The following KCNMB1 variants were observed in gnomAD, a reference collection of about 807,000 sequenced individuals.
The protein encoded by KCNMB1 is calcium-activated potassium channel subunit beta-1.
KCNMB1 carries 22 observed loss-of-function variants against 21.7 expected under a neutral mutation model. The ratio of observed to expected loss-of-function variants is 1.01; its 90% CI spans 0.72 to 1.45. The LOEUF (loss-of-function observed/expected upper bound fraction) is 1.45. KCNMB1 is among the 40% of genes most tolerant of loss of function. The pLI is 0.00. For synonymous variants in KCNMB1, 114 were observed against 107.6 expected, an observed-to-expected ratio of 1.06 and a Z score of -0.37; for missense variants, 243 against 243.4, an observed-to-expected ratio of 1.00 and a Z score of 0.01.
Position 170,385,324 on chromosome 5 carries a change from A to G in KCNMB1, c.124T>C (p.Tyr42His). Reference protein sequence around the residue: ...YILVTTVLPLYQKSVWTQESK... With the variant: ...YILVTTVLPLHQKSVWTQESK... ...GGGAGAGCTCAGTACCTTTTCTGGTAGAGGGGCAGCACAGTCGTGACCAGG... is the reference window on the plus strand; with the variant it reads ...GGGAGAGCTCAGTACCTTTTCTGGTGGAGGGGCAGCACAGTCGTGACCAGG... Residue 42 changes from tyrosine (Y) to histidine (H), a missense_variant, in exon 2 of 4, where the codon TAC becomes CAC. Tyr to His is a moderately conservative substitution (Grantham distance 83). Coordinates refer to ENST00000274629, the MANE Select transcript of KCNMB1 (RefSeq NM_004137.4). 1 of 1,614,160 alleles carries G rather than the reference A, an allele frequency of 6.2e-7. No homozygotes were observed.
chr5:170,386,417 G>A (rs1764474838), intron 1 of KCNMB1, among the ~76,000 whole-genome samples: 1 of 152,152 alleles, frequency 6.6e-6, no homozygotes, highest in African/African-American at 2.4e-5. Context: ...TTGGACTTCT[G>A]GTGAAATTTC....
In KCNMB1 at chr5:170,383,856, G is replaced by C; in HGVS notation, c.135-6C>G. ...TGGATTCCTGGGTCCACACGCTGAG[G>C]AGACCACACACATGCACACATACAC... On this transcript the variant is annotated splice_region_variant and splice_polypyrimidine_tract_variant and intron_variant, in intron 2 of 3. Coordinates refer to ENST00000274629, the MANE Select transcript of KCNMB1 (RefSeq NM_004137.4). 6.2e-7 allele frequency: 1 copy of C among 1,613,560 alleles called. No individual in the cohort carries two copies. The highest frequency in any genetic ancestry group is 8.5e-7 in the Non-Finnish European group (1 of 1,179,802).
At chr5:170,380,876 T>C (rs573937871) in intron 3 of KCNMB1, among the ~76,000 whole-genome samples, 5 of 152,292 alleles carry the variant, frequency 3.3e-5, no homozygotes, top group African/African-American at 1.2e-4. Flanking sequence ...AAAATGGGTT[T>C]GTGAGGCTAC....
intron 1 of KCNMB1, among the ~76,000 whole-genome samples, chr5:170,388,524 GA>G (rs1331857394): frequency 6.6e-6 from 1 of 152,224 alleles, no homozygotes. Context: ...TTCCCATTTA[GA>G]AAGGTCACTT....
chr5:170,375,758 G>A lies in KCNMB1; in HGVS notation c.*2946C>T. ...CCTCTTACAGCCTCAGTTTTTCATA[G>A]TAACTTAGATAGCACTTACCATATG... On this transcript the variant is annotated 3_prime_UTR_variant, in exon 4 of 4. Coordinates refer to ENST00000274629, the MANE Select transcript of KCNMB1 (RefSeq NM_004137.4). 6.6e-6 allele frequency: 1 copy of A among 152,252 alleles called. No individual in the cohort carries two copies. The highest frequency in any genetic ancestry group is 1.9e-4 in the East Asian group (1 of 5,206). The allele number at this position is 152,252 out of a possible 1,614,324, so 9.4% of individuals were successfully genotyped here. A position where few individuals can be genotyped will look rare whatever the true frequency, so the allele number is the denominator to read the frequency against.
Position 170,377,777 on chromosome 5 carries a change from T to A in KCNMB1, c.*927A>T, listed in dbSNP as rs1003310292. The stretch of plus-strand genomic sequence containing the variant: ...TTAGTAGAGACGGGGTTTCACCATG[T>A]TAGCCAGGATGGTCTTGATCTCCTG... On this transcript the variant is annotated 3_prime_UTR_variant, in exon 4 of 4. Coordinates refer to ENST00000274629, the MANE Select transcript of KCNMB1 (RefSeq NM_004137.4). 4.6e-5 allele frequency: 7 copies of A among 152,200 alleles called. No homozygotes were observed. Among genetic ancestry groups the A allele is most frequent in the African/African-American group, 1.7e-4 (7 of 41,406 alleles). The allele number at this position is 152,200 out of a possible 1,614,324, so 9.4% of individuals were successfully genotyped here.
chr5:170,385,228 G>A (rs888539969), intron 2 of KCNMB1, 86 bp downstream of exon 2: 2 of 1,426,710 alleles, frequency 1.4e-6, no homozygotes, highest in East Asian at 2.3e-5. Flanking sequence ...GTCAAGGAGA[G>A]GGGTGAGTAG....
intron 1 of KCNMB1, among the ~76,000 whole-genome samples, chr5:170,386,492 C>T (rs779461377): frequency 3.9e-5 from 6 of 152,276 alleles, no homozygotes; most frequent in South Asian, 2.1e-4. Context: ...ATGCGGTGAG[C>T]GAGCAGTACA....
intron 1 of KCNMB1, among the ~76,000 whole-genome samples, chr5:170,388,173 C>T (rs1351743214): frequency 6.6e-6 from 1 of 152,250 alleles, no homozygotes; most frequent in African/African-American, 2.4e-5. Context: ...TTCCCTGTCA[C>T]AGAGAAGTCT....
At chr5:170,387,443 T>A (rs1764522892) in intron 1 of KCNMB1, among the ~76,000 whole-genome samples, 1 of 152,046 alleles carries the variant, frequency 6.6e-6, no homozygotes, top group African/African-American at 2.4e-5. Context: ...CCCGGGCATC[T>A]CCGCTAAAGG....
Position 170,383,703 on chromosome 5 carries a change from C to T in KCNMB1, c.282G>A (p.Glu94=), listed in dbSNP as rs771779905. Residue 94 remains glutamate, a synonymous_variant, in exon 3 of 4, where the codon GAG becomes GAA. Transcript: ENST00000274629. ...CCTGCTGGTTCTGGTCCCGAGTGTC[C>T]TCCGTGTGGTACAGCACAGCCCACC... is the stretch of plus-strand genomic sequence containing the variant. ...AGRWAVLYHT[E]DTRDQNQQCS... 1.9e-6 allele frequency: 3 copies of T among 1,614,176 alleles called. No individual in the cohort carries two copies. The highest frequency in any genetic ancestry group is 1.1e-5 in the South Asian group (1 of 91,074).
At chr5:170,385,226 G>C in intron 2 of KCNMB1, 88 bp downstream of exon 2, 2 of 1,415,256 alleles carry the variant, frequency 1.4e-6, no homozygotes, top group South Asian at 1.2e-5. Flanking sequence ...GGGTCAAGGA[G>C]AGGGGTGAGT....
chr5:170,388,070 C>T (rs577871927), intron 1 of KCNMB1, among the ~76,000 whole-genome samples: 1 of 152,332 alleles, frequency 6.6e-6, no homozygotes, highest in Non-Finnish European at 1.5e-5. Context: ...GCTTCTAGTG[C>T]CCTCTCAGGC....
At chr5:170,386,435 T>A (rs1341567081) in intron 1 of KCNMB1, among the ~76,000 whole-genome samples, 2 of 152,220 alleles carry the variant, frequency 1.3e-5, no homozygotes, top group Non-Finnish European at 2.9e-5. Flanking sequence ...TTCTGTCGTT[T>A]GAGGCCGTCA....
At chr5:170,384,016 C>T (rs1581133701) in intron 2 of KCNMB1, among the ~76,000 whole-genome samples, 166 bp from the exon 3 acceptor site, 2 of 152,302 alleles carry the variant, frequency 1.3e-5, no homozygotes, top group East Asian at 3.9e-4. Flanking sequence ...CCACAGTCCC[C>T]GGACACAGGG....
chr5:170,382,297 T>C (rs1764274643), intron 3 of KCNMB1, among the ~76,000 whole-genome samples: 2 of 152,236 alleles, frequency 1.3e-5, no homozygotes. Context: ...TGACCAGAGA[T>C]TCCACCTTGA....
rs376418651 is a variant in KCNMB1, at chr5:170,385,341, G to A, written c.107C>T (p.Thr36Met). The change falls in exon 2 of 4, where the codon ACG becomes ATG. Residue 36 changes from threonine (T) to methionine (M), a missense_variant. Physicochemically the swap from Thr to Met is moderately conservative, Grantham distance 81. Coordinates refer to ENST00000274629, the MANE Select transcript of KCNMB1 (RefSeq NM_004137.4). ...CAVITYYILV[T>M]TVLPLYQKSV... ...TTTCTGGTAGAGGGGCAGCACAGTC[G>A]TGACCAGGATGTAGTAGGTGATGAC... is the stretch of plus-strand genomic sequence containing the variant. 47 of 1,614,134 alleles carry A rather than the reference G, an allele frequency of 2.9e-5. 1 individual carries two copies. In the Middle Eastern group the frequency reaches 6.6e-4, roughly 23 times the overall value.
rs200802497 is a variant in KCNMB1, at chr5:170,378,935, C to T, written c.345G>A (p.Thr115=). ...TGACCTTCTCCACGTCGGCCCGGGC[C>T]GTCTGGTAATTGTCCACGCTGCCTG... ...YIPGSVDNYQ[T]ARADVEKVRA... Residue 115 remains threonine, a synonymous_variant, in exon 4 of 4, where the codon ACG becomes ACA. Coordinates refer to ENST00000274629, the MANE Select transcript of KCNMB1 (RefSeq NM_004137.4). 2.4e-4 allele frequency: 384 copies of T among 1,613,988 alleles called. No individual in the cohort carries two copies. The highest frequency in any genetic ancestry group is 3.0e-4 in the Non-Finnish European group (357 of 1,179,978).
chr5:170,388,030 G>A (rs543745804), intron 1 of KCNMB1, among the ~76,000 whole-genome samples: 4 of 150,430 alleles, frequency 2.7e-5, no homozygotes, highest in South Asian at 2.1e-4. Context: ...CCCCCCCAGC[G>A]CCCAGGGCCA....
Sources: allele counts gnomAD v4.1 joint callset (sites outside exome capture counted in the v4.1 genomes callset), GRCh38; gene constraint gnomAD v4.1.1; transcripts MANE v1.5; gene names NCBI Gene and HGNC (gene_info 2026-07-23, HGNC 2026-07-21).